Variants in USP25 observed in about 807,000 individuals in gnomAD.
USP25 encodes the protein ubiquitin carboxyl-terminal hydrolase 25.
A neutral mutation model predicts 158.5 loss-of-function variants in USP25; 85 were observed. The ratio of observed to expected loss-of-function variants is 0.54; its 90% CI spans 0.45 to 0.64. USP25 has a LOEUF of 0.64. Among genes scored for constraint, USP25 ranks in the 30% least tolerant of loss-of-function variants. USP25 has a pLI of 0.00. For synonymous variants in USP25, 464 were observed against 460.4 expected, an observed-to-expected ratio of 1.01 and a Z score of -0.10; for missense variants, 1,242 against 1,327.3, an observed-to-expected ratio of 0.94 and a Z score of 1.00.
intron 5 of USP25, among the ~76,000 whole-genome samples, chr21:15,792,400 TA>T (rs1338518479): frequency 6.6e-6 from 1 of 151,738 alleles, no homozygotes; most frequent in Non-Finnish European, 1.5e-5. Context: ...AATTTATGAA[TA>T]ATATGTCCTT....
intron 17 of USP25, among the ~76,000 whole-genome samples, chr21:15,839,872 A>T (rs1386935237): frequency 6.6e-6 from 1 of 151,984 alleles, no homozygotes; most frequent in Non-Finnish European, 1.5e-5. Context: ...TTCATCTTAA[A>T]AATGTTCTTT....
chr21:15,783,470 A>G (rs776817024), intron 4 of USP25, among the ~76,000 whole-genome samples: 9 of 152,192 alleles, frequency 5.9e-5, no homozygotes, highest in Non-Finnish European at 1.3e-4. Flanking sequence ...CACAATTCTA[A>G]AAGCTGTAAG....
In USP25 at chr21:15,849,814, C is replaced by A. The variant is rs1302065977; in HGVS notation, c.2489C>A (p.Ala830Glu). ...MTPNMQGIIM[A>E]IGKSRSVYDR... is the part of the protein sequence containing the mutation. ...CCGAACATGCAAGGTATTATCATGG[C>A]GATAGGTAAATCCAGGAGTGTATAT... Residue 830 changes from alanine (A) to glutamate (E), a missense_variant, in exon 20 of 26, where the codon GCG (alanine) becomes GAG (glutamate). By Grantham distance (107) the Ala-to-Glu change is moderately radical (BLOSUM62 -1). Coordinates refer to ENST00000400183, the MANE Select transcript of USP25 (RefSeq NM_001283041.3). The A allele has an allele frequency of 1.9e-6, 3 of 1,543,376 alleles. No individual in the cohort carries two copies. The highest frequency in any genetic ancestry group is 2.6e-6 in the Non-Finnish European group (3 of 1,143,606).
At chr21:15,855,059 A>G (rs1329180710) in intron 20 of USP25, among the ~76,000 whole-genome samples, 1 of 151,994 alleles carries the variant, frequency 6.6e-6, no homozygotes, top group African/African-American at 2.4e-5. Flanking sequence ...TTTTCAAAGT[A>G]CTCGTTGCTT....
intron 20 of USP25, among the ~76,000 whole-genome samples, chr21:15,856,232 A>C (rs1349617029): frequency 6.6e-6 from 1 of 152,200 alleles, no homozygotes; most frequent in African/African-American, 2.4e-5. Context: ...AAGAACATAA[A>C]ATAAGAAAAC....
chr21:15,784,441 G>A (rs1015563415), intron 4 of USP25, among the ~76,000 whole-genome samples: 6 of 152,082 alleles, frequency 3.9e-5, no homozygotes, highest in African/African-American at 9.7e-5. Context: ...GCATGGTGGT[G>A]CATGCCTGTA....
At chr21:15,741,678 C>G (rs1015599573) in intron 1 of USP25, among the ~76,000 whole-genome samples, 3 of 152,090 alleles carry the variant, frequency 2.0e-5, no homozygotes, top group Non-Finnish European at 4.4e-5. Flanking sequence ...AGTTTTAACA[C>G]TCCTACACGA....
At position 15,827,158 on chromosome 21, in the gene USP25, A is replaced by G; in HGVS notation, c.1648A>G (p.Ser550Gly). ...ITEEELSVLE[S>G]CLHRWRTEIE... ...GGAGGAAGAACTTTCTGTGCTGGAA[A>G]GTTGTTTACATCGCTGGAGGACAGA... The change falls in exon 14 of 26, where the codon AGT becomes GGT. Residue 550 changes from serine to glycine, a missense_variant. Coordinates refer to ENST00000400183, the MANE Select transcript of USP25 (RefSeq NM_001283041.3). The G allele has an allele frequency of 1.2e-6, 2 of 1,614,216 alleles. No homozygotes were observed. Among genetic ancestry groups the G allele is most frequent in the South Asian group, 1.1e-5 (1 of 91,086 alleles).
chr21:15,747,054 A>G (rs990979753), intron 1 of USP25, among the ~76,000 whole-genome samples: 4 of 152,164 alleles, frequency 2.6e-5, no homozygotes, highest in Non-Finnish European at 4.4e-5. Flanking sequence ...TTGTTTATAT[A>G]TCTTTTTATA....
At chr21:15,842,688 A>G (rs1036810025) in intron 18 of USP25, 148 bp downstream of exon 18, 2 of 898,848 alleles carry the variant, frequency 2.2e-6, no homozygotes, top group Non-Finnish European at 3.3e-6. Flanking sequence ...TGGGCAAGTC[A>G]TCTCATGCCC....
In USP25 at chr21:15,842,539, C is replaced by T. The variant is rs757322631; in HGVS notation, c.2336C>T (p.Ser779Leu). Residue 779 changes from serine (S) to leucine (L), a missense_variant and splice_region_variant, in exon 18 of 26, where the codon TCG becomes TTG. Ser to Leu is a moderately radical substitution (Grantham distance 145). Coordinates refer to ENST00000400183, the MANE Select transcript of USP25 (RefSeq NM_001283041.3). ...EDKSPETVLQ[S>L]KPENTTSQPL... ...AAAAGTCCTGAAACAGTTTTGCAGTCGGTAAGAACTTTTCTTTTGGCTCTC... is the reference window on the plus strand; with the variant it reads ...AAAAGTCCTGAAACAGTTTTGCAGTTGGTAAGAACTTTTCTTTTGGCTCTC... 1.7e-5 allele frequency: 27 copies of T among 1,612,778 alleles called. No homozygotes were observed. The highest frequency in any genetic ancestry group is 1.6e-4 in the Middle Eastern group (1 of 6,072).
At chr21:15,845,108 A>G (rs1293784475) in intron 18 of USP25, among the ~76,000 whole-genome samples, 5 of 152,126 alleles carry the variant, frequency 3.3e-5, no homozygotes, top group African/African-American at 7.2e-5. Context: ...TTTCCTTAGA[A>G]TAGATTTCCC....
At chr21:15,745,478 T>C (rs549204992) in intron 1 of USP25, among the ~76,000 whole-genome samples, 45 of 145,218 alleles carry the variant, frequency 3.1e-4, no homozygotes, top group East Asian at 1.0e-3. Flanking sequence ...CTTTTCTTTT[T>C]TTTTTTTTTT....
intron 9 of USP25, among the ~76,000 whole-genome samples, chr21:15,812,673 T>C (rs1253221070): frequency 1.3e-5 from 2 of 152,040 alleles, no homozygotes; most frequent in African/African-American, 4.8e-5. Context: ...AAAATTAATT[T>C]GTCAATCCAG....
intron 17 of USP25, among the ~76,000 whole-genome samples, chr21:15,840,206 T>G (rs557080112): frequency 2.4e-4 from 36 of 152,140 alleles, no homozygotes; most frequent in Non-Finnish European, 4.7e-4. Flanking sequence ...TCATCTAAGT[T>G]AGCACCTCTT....
chr21:15,735,635 G>A lies in USP25; in HGVS notation c.45+5197G>A, dbSNP rs2031417689. 2.0e-5 allele frequency among the ~76,000 whole-genome samples: 3 copies of A among 152,254 alleles called. No homozygotes were observed. In the South Asian group the frequency reaches 6.2e-4, roughly 32 times the overall value. The stretch of plus-strand genomic sequence containing the variant: ...GGTTAGCTCATAAAATGATTAGAAG[G>A]CTTTCTGTGTTTTCCTGTGCTTTTG... On this transcript the variant is annotated intron_variant, in intron 1 of 25. Coordinates refer to ENST00000400183, the MANE Select transcript of USP25 (RefSeq NM_001283041.3).
rs60616271 is a variant in USP25 at position 15,740,641 on chromosome 21, GTTTTTTTTTTTTTT to G, written c.45+10223_45+10236del. ...GTAATCTTCCTGTTTCTTTCTGGCT[GTTTTTTTTTTTTTT>G]TTTTTTTTTTTTTTTTTTTGGTATG... On this transcript the variant is annotated intron_variant, in intron 1 of 25. Coordinates refer to ENST00000400183, the MANE Select transcript of USP25 (RefSeq NM_001283041.3). Among the ~76,000 whole-genome samples the G allele has an allele frequency of 4.1e-4, 17 of 41,302 alleles. No homozygotes were observed. The East Asian group carries it at 0.011, about 28-fold the overall frequency. 27.1% of individuals were successfully genotyped at this position (41,302 alleles called of 152,430 possible).
At chr21:15,827,733 CTGGG>C (rs769880073) in intron 14 of USP25, among the ~76,000 whole-genome samples, 6 of 149,742 alleles carry the variant, frequency 4.0e-5, no homozygotes, top group Non-Finnish European at 5.9e-5. Flanking sequence ...GGACAGTGCT[CTGGG>C]TGGGGTGTGT....
At chr21:15,861,332 C>T (rs1837101326) in intron 20 of USP25, among the ~76,000 whole-genome samples, 1 of 152,022 alleles carries the variant, frequency 6.6e-6, no homozygotes, top group South Asian at 2.1e-4. Flanking sequence ...GATTAAAGGT[C>T]TAGTGAAAAA....
Sources: gnomAD v4.1 joint callset for allele counts (sites outside exome capture counted in the v4.1 genomes callset) on GRCh38, gnomAD v4.1.1 for gene constraint, MANE v1.5 for transcripts, NCBI Gene and HGNC (gene_info 2026-07-23, HGNC 2026-07-21) for gene names.